Variants in PEAK1 observed in about 807,000 individuals in gnomAD.
PEAK1 encodes the protein inactive tyrosine-protein kinase PEAK1.
Under a neutral mutation model 124.7 loss-of-function variants are expected in PEAK1, and 54 were observed. The ratio of observed to expected loss-of-function variants is 0.43; its 90% confidence interval spans 0.35 to 0.54. PEAK1 has a LOEUF of 0.54. Ranked by LOEUF, PEAK1 falls within the 20% of genes least tolerant of loss-of-function variation. PEAK1 has a pLI of 0.01. For synonymous variants in PEAK1, 719 were observed against 760.0 expected, an observed-to-expected ratio of 0.95 and a Z score of 0.89; for missense variants, 2,046 against 2,134.5, an observed-to-expected ratio of 0.96 and a Z score of 0.82.
intron 5 of PEAK1, among the ~76,000 whole-genome samples, chr15:77,258,654 A>G (rs1040627435): frequency 1.3e-5 from 2 of 152,202 alleles, no homozygotes; most frequent in African/African-American, 4.8e-5. Context: ...CTAGATATAC[A>G]ATCATGTCAT....
Position 77,247,485 on chromosome 15 carries a change from C to CTTTTTTTT in PEAK1, c.-115+4874_-115+4881dup, listed in dbSNP as rs398028029. On this transcript the variant is annotated intron_variant, in intron 6 of 9. Coordinates refer to ENST00000682557, the MANE Select transcript of PEAK1 (RefSeq NM_001385026.1). ...TTTTTTCTCTTTTTTCTTTTCTTTT[C>CTTTTTTTT]TTTTTTTTTTTTTTTTTTTTTGAGA... 3.3e-3 allele frequency among the ~76,000 whole-genome samples: 275 copies of CTTTTTTTT among 84,324 alleles called. 2 individuals are homozygous for CTTTTTTTT. The highest frequency in any genetic ancestry group is 5.7e-3 in the African/African-American group (121 of 21,134). The allele number at this position is 84,324 out of a possible 152,430, so 55.3% of individuals were successfully genotyped here. A position where few individuals can be genotyped will look rare whatever the true frequency, so the allele number is the denominator to read the frequency against.
chr15:77,237,734 C>T (rs1307590471), intron 6 of PEAK1, among the ~76,000 whole-genome samples: 4 of 152,022 alleles, frequency 2.6e-5, no homozygotes, highest in African/African-American at 9.7e-5. Context: ...TATTAGATTT[C>T]TTCTCTTTAT....
intron 7 of PEAK1, among the ~76,000 whole-genome samples, chr15:77,177,354 T>A (rs556416854): frequency 6.6e-6 from 1 of 152,164 alleles, no homozygotes; most frequent in Non-Finnish European, 1.5e-5. Context: ...GACTGTTCTT[T>A]CTAGGACTAC....
intron 2 of PEAK1, among the ~76,000 whole-genome samples, chr15:77,308,994 A>G (rs531066128): frequency 4.6e-4 from 70 of 152,254 alleles, no homozygotes; most frequent in African/African-American, 1.5e-3. Context: ...AAATGTCTGC[A>G]TTTCAGGAGT....
intron 7 of PEAK1, among the ~76,000 whole-genome samples, chr15:77,165,894 A>G (rs1000242970): frequency 2.0e-5 from 3 of 152,184 alleles, no homozygotes; most frequent in Non-Finnish European, 4.4e-5. Flanking sequence ...TAGAGTTGGG[A>G]TCTGAATAGA....
intron 6 of PEAK1, among the ~76,000 whole-genome samples, chr15:77,242,697 G>A (rs772844334): frequency 6.6e-6 from 1 of 152,018 alleles, no homozygotes; most frequent in Non-Finnish European, 1.5e-5. Context: ...TTGCAGGTAT[G>A]GTTTGCATTT....
intron 5 of PEAK1, among the ~76,000 whole-genome samples, chr15:77,255,164 G>A (rs1292670645): frequency 6.6e-6 from 1 of 152,082 alleles, no homozygotes; most frequent in Non-Finnish European, 1.5e-5. Context: ...TCAAAACAAC[G>A]AATTAACAAT....
chr15:77,186,561 C>T (rs1341168076), intron 6 of PEAK1, among the ~76,000 whole-genome samples: 1 of 152,124 alleles, frequency 6.6e-6, no homozygotes, highest in Admixed American at 6.6e-5. Flanking sequence ...AAAACCGAGA[C>T]ACTTATACAT....
At chr15:77,253,077 T>C (rs1474845031) in intron 5 of PEAK1, among the ~76,000 whole-genome samples, 1 of 152,182 alleles carries the variant, frequency 6.6e-6, no homozygotes, top group Non-Finnish European at 1.5e-5. Flanking sequence ...GCATCTATCT[T>C]ATACATGTTC....
intron 6 of PEAK1, among the ~76,000 whole-genome samples, chr15:77,221,102 A>C (rs941439663): frequency 2.0e-5 from 3 of 152,042 alleles, no homozygotes; most frequent in African/African-American, 7.2e-5. Flanking sequence ...TTACTAAAAA[A>C]CTGTAGCATA....
intron 1 of PEAK1, among the ~76,000 whole-genome samples, chr15:77,398,575 TA>T (rs61315578): frequency 0.22 from 33,891 of 151,484 alleles, 4,227 homozygotes; most frequent in Middle Eastern, 0.3. Flanking sequence ...TCCTTCATGA[TA>T]AAAAAAAATT....
intron 2 of PEAK1, among the ~76,000 whole-genome samples, chr15:77,308,433 C>T (rs1287631375): frequency 6.6e-6 from 1 of 151,994 alleles, no homozygotes; most frequent in Non-Finnish European, 1.5e-5. Context: ...AAACCTTTTC[C>T]TCTGTGCTTT....
intron 6 of PEAK1, among the ~76,000 whole-genome samples, chr15:77,188,289 T>C (rs1172868104): frequency 6.6e-6 from 1 of 152,154 alleles, no homozygotes; most frequent in African/African-American, 2.4e-5. Context: ...ACCACAACAG[T>C]TTTTCTAACA....
chr15:77,397,326 T>C (rs960318426), intron 1 of PEAK1, among the ~76,000 whole-genome samples: 6 of 151,984 alleles, frequency 3.9e-5, no homozygotes, highest in Non-Finnish European at 7.4e-5. Context: ...AAAAGGAAGA[T>C]TTACAGGTAT....
chr15:77,385,582 C>T (rs970616364), intron 1 of PEAK1, among the ~76,000 whole-genome samples: 1 of 152,088 alleles, frequency 6.6e-6, no homozygotes, highest in South Asian at 2.1e-4. Context: ...TTTTTTCTAA[C>T]CCAGCCCAGA....
At chr15:77,335,202 C>A (rs1423196048) in intron 2 of PEAK1, 2 of 985,328 alleles carry the variant, frequency 2.0e-6, no homozygotes, top group African/African-American at 3.5e-5. Context: ...ACTTAAGAGT[C>A]CTCTCTCAGA....
rs1418205371 is a variant in PEAK1 at position 77,253,645 on chromosome 15, C to T, written c.-274-1119G>A. ...TGAATGATATTTTCATTGGATATTG[C>T]ATTGTGACCTAAAGGTTTTGTTTTT... On this transcript the variant is annotated intron_variant, in intron 5 of 9. Coordinates refer to ENST00000682557, the MANE Select transcript of PEAK1 (RefSeq NM_001385026.1). Among the ~76,000 whole-genome samples the T allele has an allele frequency of 4.6e-5, 7 of 152,192 alleles. No individual in the cohort carries two copies. The East Asian group carries it at 1.4e-3, about 29-fold the overall frequency.
intron 8 of PEAK1, among the ~76,000 whole-genome samples, chr15:77,145,628 C>T (rs1408924354): frequency 6.6e-6 from 1 of 152,124 alleles, no homozygotes; most frequent in Non-Finnish European, 1.5e-5. Context: ...TCTCTGCCTC[C>T]TGTCATCTCA....
chr15:77,397,186 G>C (rs1349893557), intron 1 of PEAK1, among the ~76,000 whole-genome samples: 1 of 151,990 alleles, frequency 6.6e-6, no homozygotes, highest in African/African-American at 2.4e-5. Flanking sequence ...CACAAAGAAA[G>C]TAAACAATAT....
Sources: gnomAD v4.1 joint callset for allele counts (sites outside exome capture counted in the v4.1 genomes callset) on GRCh38, gnomAD v4.1.1 for gene constraint, MANE v1.5 for transcripts, NCBI Gene and HGNC (gene_info 2026-07-23, HGNC 2026-07-21) for gene names.